Variants in SLC44A1 observed in about 807,000 individuals in gnomAD.
SLC44A1 encodes the protein choline transporter-like protein 1.
SLC44A1 carries 26 observed loss-of-function variants against 79.3 expected under a neutral mutation model. That is an observed-to-expected ratio of 0.33 (90% CI 0.24 to 0.46). The LOEUF is 0.46. SLC44A1 is among the 20% of genes least tolerant of loss of function. The pLI is 1.00. For missense variants in SLC44A1, 688 were observed against 798.1 expected (o/e 0.86, Z 1.66); for synonymous variants, 263 against 286.2 (o/e 0.92, Z 0.82).
chr9:105,306,364 C>T (rs1407168668), intron 2 of SLC44A1, among the ~76,000 whole-genome samples: 1 of 152,118 alleles, frequency 6.6e-6, no homozygotes, highest in Non-Finnish European at 1.5e-5. Context: ...ATTTCATGTG[C>T]CACATTTTTT....
chr9:105,395,619 T>C lies in SLC44A1; in HGVS notation c.*6563T>C. ...AGGGCGTAAGTCCAGTCTAAGTATCTAAATGTGATATGCCCTTTTGTCACA... is the reference window on the plus strand; with the variant it reads ...AGGGCGTAAGTCCAGTCTAAGTATCCAAATGTGATATGCCCTTTTGTCACA... On this transcript the variant is annotated 3_prime_UTR_variant, in exon 16 of 16. Coordinates refer to ENST00000374720, the MANE Select transcript of SLC44A1 (RefSeq NM_080546.5). 1.0e-6 allele frequency: 1 copy of C among 985,298 alleles called. No homozygotes were observed. Among genetic ancestry groups the C allele is most frequent in the Non-Finnish European group, 1.2e-6 (1 of 829,810 alleles). The allele number at this position is 985,298 out of a possible 1,614,324, so 61.0% of individuals were successfully genotyped here.
intron 5 of SLC44A1, among the ~76,000 whole-genome samples, chr9:105,353,792 A>G (rs936036033): frequency 6.6e-6 from 1 of 152,188 alleles, no homozygotes; most frequent in Non-Finnish European, 1.5e-5. Context: ...ATCACACATG[A>G]TAGGGTAATA....
chr9:105,245,241 C>G (rs957087070), intron 1 of SLC44A1, among the ~76,000 whole-genome samples: 4 of 152,096 alleles, frequency 2.6e-5, no homozygotes, highest in Non-Finnish European at 4.4e-5. Flanking sequence ...CCTCCTCTGC[C>G]CCAGGTGGCA....
chr9:105,247,947 C>T (rs550189250), intron 1 of SLC44A1, among the ~76,000 whole-genome samples: 9 of 152,308 alleles, frequency 5.9e-5, no homozygotes, highest in African/African-American at 2.2e-4. Context: ...ATATCCCTTC[C>T]TGTTCTTTCA....
chr9:105,360,490 T>C (rs890904392), intron 7 of SLC44A1, among the ~76,000 whole-genome samples: 1 of 152,234 alleles, frequency 6.6e-6, no homozygotes, highest in African/African-American at 2.4e-5. Context: ...CAATAGGTGC[T>C]GTAGCATTCA....
At chr9:105,414,812 A>G (rs1488813730) in intron 15 of SLC44A1, among the ~76,000 whole-genome samples, 2 of 152,112 alleles carry the variant, frequency 1.3e-5, no homozygotes, top group African/African-American at 4.8e-5. Context: ...TGCTAGAACA[A>G]AAAAGAAAAA....
intron 4 of SLC44A1, among the ~76,000 whole-genome samples, chr9:105,342,292 C>G (rs1488894567): frequency 6.6e-6 from 1 of 152,184 alleles, no homozygotes; most frequent in East Asian, 1.9e-4. Flanking sequence ...CCCCATCCCA[C>G]CCAGATACAG....
At chr9:105,298,116 A>C (rs949885321) in intron 1 of SLC44A1, among the ~76,000 whole-genome samples, 1 of 152,110 alleles carries the variant, frequency 6.6e-6, no homozygotes, top group Non-Finnish European at 1.5e-5. Context: ...AATAAGAAAA[A>C]AAAAAATGCA....
In SLC44A1 at chr9:105,353,454, G is replaced by C. The variant is rs191911862; in HGVS notation, c.501-2758G>C. Among the ~76,000 whole-genome samples the C allele has an allele frequency of 1.7e-3, 256 of 152,122 alleles. 2 individuals are homozygous for C. The highest frequency in any genetic ancestry group is 5.9e-3 in the African/African-American group (243 of 41,510). On this transcript the variant is annotated intron_variant, in intron 5 of 15. Transcript: ENST00000374720. ...AAAGAAAAAAAACACTGAACATATT[G>C]GGCATCCTGTTCCTGTATAATTTTG...
Position 105,395,898 on chromosome 9 carries a change from CT to C in SLC44A1, c.*6857del, listed in dbSNP as rs570950056. ...TACCATGTTGATAATCCGGTGGTGA[CT>C]TTTTTTTTTTTTTTGTAAATTGTAT... On this transcript the variant is annotated 3_prime_UTR_variant, in exon 16 of 16. Coordinates refer to ENST00000374720, the MANE Select transcript of SLC44A1 (RefSeq NM_080546.5). 0.17 allele frequency: 119,423 copies of C among 682,706 alleles called. 1,393 individuals are homozygous for C. The highest frequency in any genetic ancestry group is 0.3 in the African/African-American group (15,412 of 50,906). The allele number at this position is 682,706 out of a possible 1,614,324, so 42.3% of individuals were successfully genotyped here. A position where few individuals can be genotyped will look rare whatever the true frequency, so the allele number is the denominator to read the frequency against.
At chr9:105,308,630 T>C (rs143101219) in intron 2 of SLC44A1, among the ~76,000 whole-genome samples, 1 of 152,214 alleles carries the variant, frequency 6.6e-6, no homozygotes, top group Non-Finnish European at 1.5e-5. Context: ...CTCTGAGGAA[T>C]TGCATATGAG....
chr9:105,363,159 T>G (rs1827833269), intron 9 of SLC44A1, 152 bp downstream of exon 9: 8 of 613,298 alleles, frequency 1.3e-5, no homozygotes. Flanking sequence ...AACAACCTAC[T>G]TCATATTCGT....
intron 1 of SLC44A1, among the ~76,000 whole-genome samples, chr9:105,250,222 T>G (rs930634147): frequency 6.6e-6 from 1 of 152,182 alleles, no homozygotes; most frequent in African/African-American, 2.4e-5. Context: ...AGATAAAATT[T>G]TGAATTAAGG....
chr9:105,412,164 A>T (rs1020400951), intron 15 of SLC44A1, among the ~76,000 whole-genome samples: 1 of 152,194 alleles, frequency 6.6e-6, no homozygotes, highest in Non-Finnish European at 1.5e-5. Context: ...TTTATTCATC[A>T]AATAATATAT....
chr9:105,348,355 C>T lies in SLC44A1; in HGVS notation c.407-3C>T, dbSNP rs1171037684. On this transcript the variant is annotated splice_polypyrimidine_tract_variant and splice_region_variant and intron_variant, in intron 4 of 15. Transcript: ENST00000374720. ...CCACCTAACATAATTTTTCTTTCAA[C>T]AGGTTCAGCCCTATGTAGCTACAAC... 6.4e-7 allele frequency: 1 copy of T among 1,569,536 alleles called. No homozygotes were observed. Among genetic ancestry groups the T allele is most frequent in the South Asian group, 1.1e-5 (1 of 87,664 alleles).
At chr9:105,358,307 C>A in intron 6 of SLC44A1, 37 bp from the exon 7 acceptor site, 1 of 1,181,134 alleles carries the variant, frequency 8.5e-7, no homozygotes, top group South Asian at 1.3e-5. Context: ...CCTGCATTTT[C>A]AAATAATATT....
At chr9:105,435,060 T>TCCATTGAGCCTGGGAGGTC (rs1390419721) in intron 15 of SLC44A1, among the ~76,000 whole-genome samples, 22 of 151,642 alleles carry the variant, frequency 1.5e-4, no homozygotes, top group Admixed American at 1.1e-3. Context: ...GGTGGGAGGA[T>TCCATTGAGCCTGGGAGGTC]CCATTGAGCC....
intron 1 of SLC44A1, among the ~76,000 whole-genome samples, chr9:105,278,780 T>C (rs1229323505): frequency 6.6e-6 from 1 of 152,252 alleles, no homozygotes; most frequent in African/African-American, 2.4e-5. Context: ...CCACATATGC[T>C]AAAGTAAGTC....
chr9:105,355,285 A>C (rs982359313), intron 5 of SLC44A1, among the ~76,000 whole-genome samples: 4 of 152,358 alleles, frequency 2.6e-5, no homozygotes, highest in African/African-American at 7.2e-5. Flanking sequence ...GTTGTAACAA[A>C]ACAGGTTAAT....
Sources: gnomAD v4.1 joint callset for allele counts (sites outside exome capture counted in the v4.1 genomes callset) on GRCh38, gnomAD v4.1.1 for gene constraint, MANE v1.5 for transcripts, NCBI Gene and HGNC (gene_info 2026-07-23, HGNC 2026-07-21) for gene names.